Variants in SNRK observed in about 807,000 individuals in gnomAD.
SNRK encodes the protein SNF related kinase.
Under a neutral mutation model 48.2 loss-of-function variants are expected in SNRK, and 3 were observed. That is an observed-to-expected ratio of 0.06 (90% CI 0.03 to 0.16). The LOEUF is 0.16. Among genes scored for constraint, SNRK ranks in the 10% least tolerant of loss-of-function variants. The probability of loss-of-function intolerance (pLI) is 1.00; values close to 1 mark genes in which losing one functional copy is unlikely to be tolerated. For synonymous variants in SNRK, 376 were observed against 366.1 expected, an observed-to-expected ratio of 1.03 and a Z score of -0.31; for missense variants, 627 against 976.0, an observed-to-expected ratio of 0.64 and a Z score of 4.76.
At chr3:43,342,032 T>C (rs2125646759) in intron 5 of SNRK, among the ~76,000 whole-genome samples, 1 of 152,344 alleles carries the variant, frequency 6.6e-6, no homozygotes, top group East Asian at 1.9e-4. Context: ...ACTTTTGGAA[T>C]GTGTAGAAAA....
At chr3:43,332,479 G>A (rs567666647) in intron 4 of SNRK, 169 bp downstream of exon 4, 3 of 400,182 alleles carry the variant, frequency 7.5e-6, no homozygotes, top group African/African-American at 4.1e-5. Context: ...GTGTTCGGTC[G>A]GCGGGGGTGG....
chr3:43,341,640 G>A (rs1559470915), intron 5 of SNRK, among the ~76,000 whole-genome samples: 2 of 152,230 alleles, frequency 1.3e-5, no homozygotes, highest in Admixed American at 1.3e-4. Context: ...TCGAAAGAGA[G>A]TATGCTCTAG....
Position 43,347,592 on chromosome 3 carries a change from G to T in SNRK, c.1333G>T (p.Val445Leu), listed in dbSNP as rs779486608. The T allele has an allele frequency of 6.2e-7, 1 of 1,614,080 alleles. No homozygotes were observed. Among genetic ancestry groups the T allele is most frequent in the Non-Finnish European group, 8.5e-7 (1 of 1,180,028 alleles). ...CAGTGGGCGGAAGTGTCTGTTCAGG[G>T]TGGAAGAAGATGAAGAGGAAGATGA... The part of the protein sequence containing the change: ...TASGRKCLFR[V>L]EEDEEEDEED... The change falls in exon 7 of 7, where the codon GTG becomes TTG. Residue 445 changes from valine to leucine, a missense_variant. Physicochemically the swap from Val to Leu is conservative, Grantham distance 32. This residue lies in a region of SNRK where 175 missense variants were observed against 209.7 expected (regional missense o/e 0.83). Transcript: ENST00000296088. The surrounding 1 kb of genome is among the most constrained non-coding windows in gnomAD (Gnocchi z 5.4).
chr3:43,307,177 G>A (rs1213979550), intron 3 of SNRK, among the ~76,000 whole-genome samples: 1 of 151,816 alleles, frequency 6.6e-6, no homozygotes, highest in African/African-American at 2.4e-5. Context: ...CTTTATACAT[G>A]GTATTGTCAA....
At position 43,348,244 on chromosome 3, in the gene SNRK, C is replaced by T. The variant is rs769280193; in HGVS notation, c.1985C>T (p.Thr662Ile). ...CTCGGCTCCCAGCTTCATGGGAGCA[C>T]CAAGTACATTATTGATCCACAGAAT... ...LCLGSQLHGSTKYIIDPQNGL... is the reference protein window; with the variant it reads ...LCLGSQLHGSIKYIIDPQNGL... The change falls in exon 7 of 7, where the codon ACC becomes ATC. Residue 662 changes from threonine (T) to isoleucine (I), a missense_variant. Physicochemically the swap from Thr to Ile is moderately conservative, Grantham distance 89 (BLOSUM62 -1). This residue lies in a region of SNRK where 207 missense variants were observed against 234.3 expected (regional missense o/e 0.88). Transcript: ENST00000296088. 1.9e-6 allele frequency: 3 copies of T among 1,613,818 alleles called. No homozygotes were observed. The highest frequency in any genetic ancestry group is 2.5e-6 in the Non-Finnish European group (3 of 1,179,894).
intron 3 of SNRK, among the ~76,000 whole-genome samples, chr3:43,321,217 C>G (rs1475912440): frequency 6.6e-6 from 1 of 151,990 alleles, no homozygotes; most frequent in African/African-American, 2.4e-5. Flanking sequence ...CTTGAGTGTC[C>G]CCTGACTTTG....
chr3:43,339,221 G>A (rs2091213923), intron 4 of SNRK, among the ~76,000 whole-genome samples: 1 of 152,204 alleles, frequency 6.6e-6, no homozygotes, highest in African/African-American at 2.4e-5. Context: ...ACAGACTTGT[G>A]TGAGGACCAG....
intron 3 of SNRK, among the ~76,000 whole-genome samples, chr3:43,306,380 A>AT (rs2090938201): frequency 1.3e-5 from 2 of 152,248 alleles, no homozygotes; most frequent in Admixed American, 1.3e-4. Context: ...CTAAATAAAA[A>AT]AACTTTGGTT....
intron 3 of SNRK, among the ~76,000 whole-genome samples, chr3:43,326,285 T>A (rs899923050): frequency 6.6e-6 from 1 of 152,086 alleles, no homozygotes; most frequent in Non-Finnish European, 1.5e-5. Flanking sequence ...TGTATGTGTG[T>A]GTGTGTGTAG....
chr3:43,331,909 C>T (rs978598400), intron 3 of SNRK, among the ~76,000 whole-genome samples: 5 of 152,108 alleles, frequency 3.3e-5, no homozygotes, highest in African/African-American at 1.2e-4. Flanking sequence ...GATATTATTG[C>T]TCTGTTACCA....
At chr3:43,306,386 T>C (rs2090938283) in intron 3 of SNRK, among the ~76,000 whole-genome samples, 1 of 152,184 alleles carries the variant, frequency 6.6e-6, no homozygotes, top group African/African-American at 2.4e-5. Flanking sequence ...AAAAAAACTT[T>C]GGTTCTTTTT....
Position 43,303,163 on chromosome 3 carries a change from A to G in SNRK, c.-41A>G, listed in dbSNP as rs898497921. The G allele has an allele frequency of 1.4e-6, 2 of 1,468,370 alleles. No individual in the cohort carries two copies. Among genetic ancestry groups the G allele is most frequent in the Non-Finnish European group, 1.9e-6 (2 of 1,065,716 alleles). 91.0% of individuals were successfully genotyped at this position (1,468,370 alleles called of 1,614,324 possible). A position where few individuals can be genotyped will look rare whatever the true frequency, so the allele number is the denominator to read the frequency against. Reference sequence around the variant, plus strand: ...CAGATATTCTTATATGAGAAGATCTATTTTAAACAGTCTAAATATTTTTTC... The same window carrying G: ...CAGATATTCTTATATGAGAAGATCTGTTTTAAACAGTCTAAATATTTTTTC... On this transcript the variant is annotated 5_prime_UTR_variant, in exon 3 of 7. Transcript: ENST00000296088. The surrounding 1 kb of genome is among the most constrained non-coding windows in gnomAD (Gnocchi z 6.2).
At position 43,303,246 on chromosome 3, in the gene SNRK, T is replaced by C. The variant is rs1238620739; in HGVS notation, c.43T>C (p.Leu15=). The C allele has an allele frequency of 6.2e-7, 1 of 1,614,026 alleles. No individual in the cohort carries two copies. The highest frequency in any genetic ancestry group is 1.3e-5 in the African/African-American group (1 of 74,914). ...KRGYDGKIAG[L]YDLDKTLGRG... ...AGGGTATGATGGAAAGATTGCTGGATTATATGATCTGGATAAAACCTTGGG... is the reference window on the plus strand; with the variant it reads ...AGGGTATGATGGAAAGATTGCTGGACTATATGATCTGGATAAAACCTTGGG... The change falls in exon 3 of 7, where the codon TTA becomes CTA. Residue 15 remains leucine (L), a synonymous_variant. Coordinates refer to ENST00000296088, the MANE Select transcript of SNRK (RefSeq NM_017719.5). This position sits in a 1 kb window ranked among gnomAD's most constrained non-coding sequence, Gnocchi z 6.2.
At chr3:43,293,801 C>T (rs2090831646) in intron 1 of SNRK, among the ~76,000 whole-genome samples, 1 of 151,986 alleles carries the variant, frequency 6.6e-6, no homozygotes, top group African/African-American at 2.4e-5. Context: ...TTCCTGTAAT[C>T]CCAGTTACTT....
In SNRK at chr3:43,347,510, T is replaced by C. The variant is rs150670024; in HGVS notation, c.1251T>C (p.Pro417=). 1.4e-4 allele frequency: 228 copies of C among 1,613,614 alleles called. No homozygotes were observed. The highest frequency in any genetic ancestry group is 1.8e-4 in the Non-Finnish European group (218 of 1,179,782). ...LCDSAKKDDL[P]ELAGPALSTV... ...ACTCAGCTAAGAAAGATGACCTCCC[T>C]GAGTTGGCTGGACCAGCACTCTCTA... Residue 417 remains proline, a synonymous_variant, in exon 7 of 7, where the codon CCT becomes CCC. Coordinates refer to ENST00000296088, the MANE Select transcript of SNRK (RefSeq NM_017719.5). This position sits in a 1 kb window ranked among gnomAD's most constrained non-coding sequence, Gnocchi z 5.4.
At chr3:43,292,853 A>G (rs2090823431) in intron 1 of SNRK, among the ~76,000 whole-genome samples, 1 of 151,952 alleles carries the variant, frequency 6.6e-6, no homozygotes. Context: ...TTATATGGGG[A>G]TACTATTTTC....
intron 3 of SNRK, among the ~76,000 whole-genome samples, chr3:43,306,235 A>T (rs71323189): frequency 0.017 from 2,118 of 127,070 alleles, 35 homozygotes; most frequent in African/African-American, 0.042. Context: ...TGCTATTTTT[A>T]AAAAAAAGGA....
chr3:43,321,565 A>G lies in SNRK; in HGVS notation c.590-10604A>G, dbSNP rs542900942. Among the ~76,000 whole-genome samples, 26 of 152,320 alleles carry G rather than the reference A, an allele frequency of 1.7e-4. No homozygotes were observed. In the South Asian group the frequency reaches 4.1e-3, roughly 24 times the overall value. ...GACCCTTATTTAGTTAATTTTACGT[A>G]TAATTCTAGCAAGTTCAGTAAATTC... On this transcript the variant is annotated intron_variant, in intron 3 of 6. Coordinates refer to ENST00000296088, the MANE Select transcript of SNRK (RefSeq NM_017719.5).
At chr3:43,341,763 T>G (rs1450973791) in intron 5 of SNRK, among the ~76,000 whole-genome samples, 2 of 152,226 alleles carry the variant, frequency 1.3e-5, no homozygotes, top group African/African-American at 4.8e-5. Flanking sequence ...CTGTGTGTCT[T>G]CGTGCCACAC....
Sources: gnomAD v4.1 joint callset for allele counts (sites outside exome capture counted in the v4.1 genomes callset) on GRCh38, gnomAD v4.1.1 for gene constraint, gnomAD v4.1.1 regional missense constraint, Gnocchi (gnomAD v3.1) non-coding constraint, MANE v1.5 for transcripts, NCBI Gene and HGNC (gene_info 2026-07-23, HGNC 2026-07-21) for gene names.